Variants in ARHGEF38 observed in about 807,000 individuals in gnomAD.
The protein encoded by ARHGEF38 is Rho guanine nucleotide exchange factor 38.
ARHGEF38 carries 79 observed loss-of-function variants against 79.9 expected under a neutral mutation model. That is an observed-to-expected ratio of 0.99 (90% CI 0.82 to 1.19). ARHGEF38 has a LOEUF of 1.19. Ranked by LOEUF, ARHGEF38 falls within the 50% of genes most tolerant of loss-of-function variation. ARHGEF38 has a pLI of 0.00. For missense variants in ARHGEF38, 962 were observed against 907.2 expected (o/e 1.06, Z -0.78); for synonymous variants, 366 against 328.3 (o/e 1.11, Z -1.24).
At chr4:105,627,418 A>T (rs1156368663) in intron 3 of ARHGEF38, among the ~76,000 whole-genome samples, 1 of 152,168 alleles carries the variant, frequency 6.6e-6, no homozygotes, top group Non-Finnish European at 1.5e-5. Flanking sequence ...AGAGTAGCAT[A>T]TGTTTATTCA....
At chr4:105,591,381 A>C (rs1727327507) in intron 2 of ARHGEF38, among the ~76,000 whole-genome samples, 1 of 152,108 alleles carries the variant, frequency 6.6e-6, no homozygotes, top group Non-Finnish European at 1.5e-5. Context: ...GGTGACTGCC[A>C]CCACACCCGG....
chr4:105,584,191 T>C (rs1368894987), intron 1 of ARHGEF38, among the ~76,000 whole-genome samples: 1 of 152,200 alleles, frequency 6.6e-6, no homozygotes, highest in Non-Finnish European at 1.5e-5. Flanking sequence ...GAAGAATATG[T>C]ATATGAGCTT....
At chr4:105,646,251 T>C (rs1729834454) in intron 6 of ARHGEF38, among the ~76,000 whole-genome samples, 1 of 152,192 alleles carries the variant, frequency 6.6e-6, no homozygotes, top group Non-Finnish European at 1.5e-5. Flanking sequence ...GTAAATGTTA[T>C]GGAGTAAGAA....
intron 13 of ARHGEF38, 133 bp from the exon 14 acceptor site, chr4:105,677,619 A>G: frequency 1.5e-6 from 1 of 654,840 alleles, no homozygotes; most frequent in Non-Finnish European, 2.3e-6. Flanking sequence ...CATCCAATAG[A>G]AGGAGTTGGA....
rs866574241 is a variant in ARHGEF38, at chr4:105,609,406, A to G, written c.385-3978A>G. 1.2e-3 allele frequency among the ~76,000 whole-genome samples: 186 copies of G among 152,178 alleles called. 2 individuals carry two copies. The highest frequency in any genetic ancestry group is 4.0e-3 in the African/African-American group (167 of 41,546). On this transcript the variant is annotated intron_variant, in intron 2 of 13. Transcript: ENST00000420470. Reference sequence around the variant, plus strand: ...GTTTTGATTGCTATAGCTTTGTAGTAGATTTTGAAGTCACTGAAAACTACT... The same window carrying G: ...GTTTTGATTGCTATAGCTTTGTAGTGGATTTTGAAGTCACTGAAAACTACT...
rs1374183789 is a variant in ARHGEF38 at position 105,667,203 on chromosome 4, A to C, written c.1764A>C (p.Gln588His). The change falls in exon 12 of 14, where the codon CAA (glutamine) becomes CAC (histidine). Residue 588 changes from glutamine to histidine, a missense_variant. Gln to His is a conservative substitution (Grantham distance 24). Transcript: ENST00000420470. ...CATATAGTGCAGAGGAACTCTATCA[A>C]GCTAAGCGCAAGTGCAATGCTACAC... The part of the protein sequence containing the change: ...LSTYSAEELY[Q>H]AKRKCNATQE... 2 of 1,536,166 alleles carry C rather than the reference A, an allele frequency of 1.3e-6. No individual in the cohort carries two copies. The highest frequency in any genetic ancestry group is 2.7e-5 in the African/African-American group (2 of 73,182).
At chr4:105,637,375 ACAGG>A (rs1361414518) in intron 5 of ARHGEF38, among the ~76,000 whole-genome samples, 1 of 152,142 alleles carries the variant, frequency 6.6e-6, no homozygotes, top group African/African-American at 2.4e-5. Context: ...GAGACACCAG[ACAGG>A]CAACCAGTTC....
At chr4:105,640,174 A>G (rs1391645008) in intron 5 of ARHGEF38, among the ~76,000 whole-genome samples, 1 of 151,792 alleles carries the variant, frequency 6.6e-6, no homozygotes, top group Non-Finnish European at 1.5e-5. Context: ...CGCCTTTTCC[A>G]TTTCTCCATT....
At chr4:105,560,628 A>G (rs961004892) in intron 1 of ARHGEF38, among the ~76,000 whole-genome samples, 10 of 152,196 alleles carry the variant, frequency 6.6e-5, no homozygotes, top group African/African-American at 2.2e-4. Context: ...GGTTTTCTGA[A>G]CAATGTTTTT....
chr4:105,624,009 G>T (rs185079359), intron 3 of ARHGEF38, among the ~76,000 whole-genome samples: 1 of 152,260 alleles, frequency 6.6e-6, no homozygotes, highest in East Asian at 1.9e-4. Context: ...ACACAGAGAT[G>T]ATCACGACAG....
intron 9 of ARHGEF38, among the ~76,000 whole-genome samples, chr4:105,657,757 A>G (rs1473440395): frequency 1.3e-5 from 2 of 152,120 alleles, no homozygotes; most frequent in Non-Finnish European, 1.5e-5. Context: ...TAGACATCAA[A>G]TTTAATTTGT....
chr4:105,668,748 A>G (rs1160917908), intron 13 of ARHGEF38, among the ~76,000 whole-genome samples: 1 of 152,228 alleles, frequency 6.6e-6, no homozygotes, highest in Non-Finnish European at 1.5e-5. Context: ...GTAGAAAAGC[A>G]TACGTAACTT....
chr4:105,614,423 GACTAC>G (rs936600876), intron 3 of ARHGEF38, among the ~76,000 whole-genome samples: 1 of 151,964 alleles, frequency 6.6e-6, no homozygotes, highest in African/African-American at 2.4e-5. Flanking sequence ...CACACACAAA[GACTAC>G]ACACAAACAC....
chr4:105,638,232 A>G (rs1729479518), intron 5 of ARHGEF38, among the ~76,000 whole-genome samples: 1 of 152,130 alleles, frequency 6.6e-6, no homozygotes, highest in Non-Finnish European at 1.5e-5. Flanking sequence ...TTTTTTTTAC[A>G]ACCTACCTTC....
intron 1 of ARHGEF38, among the ~76,000 whole-genome samples, chr4:105,579,380 C>T (rs1008467576): frequency 1.1e-4 from 17 of 152,024 alleles, no homozygotes; most frequent in Non-Finnish European, 2.1e-4. Flanking sequence ...TCATAGATGG[C>T]TCTTATTATT....
chr4:105,677,638 C>T, intron 13 of ARHGEF38, 114 bp from the exon 14 acceptor site: 2 of 960,870 alleles, frequency 2.1e-6, no homozygotes, highest in Non-Finnish European at 2.9e-6. Context: ...GACAATGTGA[C>T]TTTGGCAAAA....
At chr4:105,648,973 G>T (rs948855389) in intron 7 of ARHGEF38, among the ~76,000 whole-genome samples, 3 of 151,948 alleles carry the variant, frequency 2.0e-5, no homozygotes, top group Admixed American at 6.6e-5. Flanking sequence ...GGGACATAAG[G>T]TTGCCCCAGG....
intron 4 of ARHGEF38, among the ~76,000 whole-genome samples, chr4:105,632,026 C>T (rs1729215870): frequency 1.3e-5 from 2 of 152,136 alleles, no homozygotes; most frequent in South Asian, 4.2e-4. Context: ...AAAGAGGGAT[C>T]CCCAACGGGG....
intron 3 of ARHGEF38, among the ~76,000 whole-genome samples, chr4:105,628,354 G>A (rs959349292): frequency 2.0e-5 from 3 of 152,178 alleles, no homozygotes; most frequent in Non-Finnish European, 4.4e-5. Flanking sequence ...AGCTAAGTCT[G>A]TGATCTAAGC....
Sources: allele counts gnomAD v4.1 joint callset (sites outside exome capture counted in the v4.1 genomes callset), GRCh38; gene constraint gnomAD v4.1.1; transcripts MANE v1.5; gene names NCBI Gene and HGNC (gene_info 2026-07-23, HGNC 2026-07-21).